KCNC2: variants seen among roughly 807,000 people sequenced by gnomAD.
KCNC2 encodes voltage-gated potassium channel KCNC2.
A neutral mutation model predicts 44.5 loss-of-function variants in KCNC2; 21 were observed. The observed-to-expected ratio is 0.47, with a 90% CI of 0.33 to 0.68. The LOEUF (loss-of-function observed/expected upper bound fraction) is 0.68. Ranked by LOEUF, KCNC2 falls within the 30% of genes least tolerant of loss-of-function variation. The probability of loss-of-function intolerance (pLI) is 0.01; values close to 1 mark genes in which losing one functional copy is unlikely to be tolerated. For missense variants in KCNC2, 589 were observed against 826.2 expected (o/e 0.71, Z 3.52); for synonymous variants, 391 against 339.1 (o/e 1.15, Z -1.68).
rs187812913 is a variant in KCNC2 at position 75,171,119 on chromosome 12, A to G, written c.687+36178T>C. Among the ~76,000 whole-genome samples, 29 of 151,574 alleles carry G rather than the reference A, an allele frequency of 1.9e-4. No individual in the cohort carries two copies. In the East Asian group the frequency reaches 5.3e-3, roughly 28 times the overall value. ...ATGTCTCTGACATTTTCTGTATCTG[A>G]CCTCTAGACTCTTTTTTAAAGGGAT... On this transcript the variant is annotated intron_variant, in intron 2 of 4. Transcript: ENST00000549446.
Position 75,120,061 on chromosome 12 carries a change from T to C in KCNC2, c.688-68744A>G, listed in dbSNP as rs138245005. Among the ~76,000 whole-genome samples, 148 of 152,308 alleles carry C rather than the reference T, an allele frequency of 9.7e-4. 1 individual carries two copies. Among genetic ancestry groups the C allele is most frequent in the Middle Eastern group, 6.8e-3 (2 of 294 alleles). On this transcript the variant is annotated intron_variant, in intron 2 of 4. Transcript: ENST00000549446. ...ATCTCCATCTCGCTTATAATTAATA[T>C]AAGACTGGGGATTCAAATGCAATAA...
chr12:75,057,219 C>T (rs1881843280), intron 2 of KCNC2, among the ~76,000 whole-genome samples: 1 of 152,032 alleles, frequency 6.6e-6, no homozygotes. Flanking sequence ...TTTTTTACAG[C>T]ACCATAAACT....
At chr12:75,065,195 T>C (rs1882711850) in intron 2 of KCNC2, among the ~76,000 whole-genome samples, 1 of 152,090 alleles carries the variant, frequency 6.6e-6, no homozygotes, top group African/African-American at 2.4e-5. Flanking sequence ...TTATCAGTCC[T>C]TGAAAAATGG....
intron 2 of KCNC2, among the ~76,000 whole-genome samples, chr12:75,056,733 A>T (rs1178043611): frequency 6.6e-6 from 1 of 152,054 alleles, no homozygotes; most frequent in Non-Finnish European, 1.5e-5. Flanking sequence ...ATTTATAATT[A>T]AAAAATAAAA....
At chr12:75,181,483 A>G (rs1254953758) in intron 2 of KCNC2, among the ~76,000 whole-genome samples, 2 of 152,156 alleles carry the variant, frequency 1.3e-5, no homozygotes, top group African/African-American at 4.8e-5. Flanking sequence ...CCTACTACTA[A>G]GTATACCGCA....
At position 75,144,640 on chromosome 12, in the gene KCNC2, G is replaced by GTGTA. The variant is rs1555216686; in HGVS notation, c.687+62656_687+62657insTACA. On this transcript the variant is annotated intron_variant, in intron 2 of 4. Transcript: ENST00000549446. ...TACTTTTGTGTGTGTGTGTGTGTGT[G>GTGTA]TATATATATATATGTACAACACACC... is the stretch of plus-strand genomic sequence containing the variant. Among the ~76,000 whole-genome samples, 48 of 149,352 alleles carry GTGTA rather than the reference G, an allele frequency of 3.2e-4. 1 individual carries two copies. Among genetic ancestry groups the GTGTA allele is most frequent in the Middle Eastern group, 3.4e-3 (1 of 290 alleles).
At chr12:75,167,915 T>G (rs1891565071) in intron 2 of KCNC2, among the ~76,000 whole-genome samples, 1 of 151,404 alleles carries the variant, frequency 6.6e-6, no homozygotes, top group Admixed American at 6.6e-5. Flanking sequence ...ATCTTAAATC[T>G]TCAATCATCA....
At position 75,207,168 on chromosome 12, in the gene KCNC2, G is replaced by C. The variant is rs2031751125; in HGVS notation, c.687+129C>G. ...CCCTGCAAAGGATGAGCCTCTAACT[G>C]TATCGCTAGGAAATCCCGGGTCTCT... On this transcript the variant is annotated intron_variant, in intron 2 of 4. Coordinates refer to ENST00000549446, the MANE Select transcript of KCNC2 (RefSeq NM_139137.4). This position sits in a 1 kb window ranked among gnomAD's most constrained non-coding sequence, Gnocchi z 4.1. 1 of 1,435,940 alleles carries C rather than the reference G, an allele frequency of 7.0e-7. No individual in the cohort carries two copies. Among genetic ancestry groups the C allele is most frequent in the South Asian group, 1.5e-5 (1 of 65,396 alleles). The allele number at this position is 1,435,940 out of a possible 1,614,324, so 88.9% of individuals were successfully genotyped here. A position where few individuals can be genotyped will look rare whatever the true frequency, so the allele number is the denominator to read the frequency against.
rs1033421229 is a variant in KCNC2, at chr12:75,042,992, T to C, written c.*113A>G. ...TCAAATTGTAGTATCATGCAAGATTTATACTGTATTAATGGAGCCTGGAGT... is the reference window on the plus strand; with the variant it reads ...TCAAATTGTAGTATCATGCAAGATTCATACTGTATTAATGGAGCCTGGAGT... On this transcript the variant is annotated 3_prime_UTR_variant, in exon 5 of 5. Transcript: ENST00000549446. 6.7e-7 allele frequency: 1 copy of C among 1,484,646 alleles called. No individual in the cohort carries two copies. The highest frequency in any genetic ancestry group is 8.9e-7 in the Non-Finnish European group (1 of 1,118,428). 92.0% of individuals were successfully genotyped at this position (1,484,646 alleles called of 1,614,324 possible).
intron 2 of KCNC2, among the ~76,000 whole-genome samples, chr12:75,054,262 T>G (rs905331438): frequency 6.6e-6 from 1 of 151,866 alleles, no homozygotes; most frequent in Non-Finnish European, 1.5e-5. Flanking sequence ...AGAGGCAATG[T>G]TTTTATTTGT....
chr12:75,136,983 G>C (rs1402545775), intron 2 of KCNC2, among the ~76,000 whole-genome samples: 1 of 152,076 alleles, frequency 6.6e-6, no homozygotes, highest in African/African-American at 2.4e-5. Context: ...TGTCAAATTT[G>C]CAATTATAAC....
In KCNC2 at chr12:75,121,201, G is replaced by A. The variant is rs540990283; in HGVS notation, c.688-69884C>T. ...TGACTTGGCTCTTAAATACATATTT[G>A]ATTTCAATGAATTTCCTGTTAATTA... is the stretch of plus-strand genomic sequence containing the variant. On this transcript the variant is annotated intron_variant, in intron 2 of 4. Transcript: ENST00000549446. 4.6e-5 allele frequency among the ~76,000 whole-genome samples: 7 copies of A among 152,250 alleles called. 1 individual carries two copies. The South Asian group carries it at 1.5e-3, about 32-fold the overall frequency.
intron 2 of KCNC2, among the ~76,000 whole-genome samples, chr12:75,103,174 A>G (rs1392029086): frequency 6.6e-6 from 1 of 152,200 alleles, no homozygotes; most frequent in Non-Finnish European, 1.5e-5. Context: ...AGTTAAATAT[A>G]ACATGCAAAA....
intron 2 of KCNC2, among the ~76,000 whole-genome samples, chr12:75,159,238 T>C (rs563805424): frequency 1.6e-4 from 25 of 151,866 alleles, no homozygotes; most frequent in Non-Finnish European, 3.5e-4. Flanking sequence ...CTGCACATTC[T>C]GCACATGTAT....
At chr12:75,164,078 A>G (rs1157480279) in intron 2 of KCNC2, among the ~76,000 whole-genome samples, 1 of 151,690 alleles carries the variant, frequency 6.6e-6, no homozygotes, top group African/African-American at 2.4e-5. Context: ...CCTTTAATAA[A>G]TACATGACTT....
intron 2 of KCNC2, among the ~76,000 whole-genome samples, chr12:75,079,459 T>G (rs1884286791): frequency 6.6e-6 from 1 of 152,150 alleles, no homozygotes; most frequent in East Asian, 1.9e-4. Context: ...AATTGGCACA[T>G]TTTGTTGACT....
chr12:75,200,362 T>A (rs1435974691), intron 2 of KCNC2, among the ~76,000 whole-genome samples: 1 of 151,880 alleles, frequency 6.6e-6, no homozygotes, highest in African/African-American at 2.4e-5. Flanking sequence ...GATTGCCAAT[T>A]TTCTTCCAGT....
chr12:75,165,564 C>G (rs1397219427), intron 2 of KCNC2, among the ~76,000 whole-genome samples: 1 of 151,320 alleles, frequency 6.6e-6, no homozygotes, highest in African/African-American at 2.4e-5. Context: ...ATTATTTTAG[C>G]AAATTCACAT....
At chr12:75,190,870 G>T (rs549033968) in intron 2 of KCNC2, among the ~76,000 whole-genome samples, 91 of 151,814 alleles carry the variant, frequency 6.0e-4, no homozygotes, top group Non-Finnish European at 1.2e-3. Context: ...TAAATTAAAA[G>T]ATACAAGATA....
Sources: gnomAD v4.1 joint callset for allele counts (sites outside exome capture counted in the v4.1 genomes callset) on GRCh38, gnomAD v4.1.1 for gene constraint, Gnocchi (gnomAD v3.1) non-coding constraint, MANE v1.5 for transcripts, NCBI Gene and HGNC (gene_info 2026-07-23, HGNC 2026-07-21) for gene names.